ITGBL1: variants seen among roughly 807,000 people sequenced by gnomAD.
The protein encoded by ITGBL1 is integrin subunit beta like 1.
Under a neutral mutation model 68.5 loss-of-function variants are expected in ITGBL1, and 51 were observed. The ratio of observed to expected loss-of-function variants is 0.74; its 90% confidence interval spans 0.59 to 0.94. The LOEUF (loss-of-function observed/expected upper bound fraction) is 0.94. Ranked by LOEUF, ITGBL1 falls within the 40% of genes least tolerant of loss-of-function variation. The pLI is 0.00. For missense variants in ITGBL1, 649 were observed against 647.4 expected, an observed-to-expected ratio of 1.00 and a Z score of -0.03; for synonymous variants, 209 against 227.3, an observed-to-expected ratio of 0.92 and a Z score of 0.72.
At chr13:101,467,154 C>T (rs2048392926) in intron 2 of ITGBL1, among the ~76,000 whole-genome samples, 1 of 152,138 alleles carries the variant, frequency 6.6e-6, no homozygotes, top group Admixed American at 6.5e-5. Flanking sequence ...TGCAGGCCCA[C>T]CCACCTTCTT....
intron 2 of ITGBL1, among the ~76,000 whole-genome samples, chr13:101,484,258 A>G (rs912226031): frequency 6.6e-6 from 1 of 152,058 alleles, no homozygotes; most frequent in Non-Finnish European, 1.5e-5. Flanking sequence ...CTTCTCTAAT[A>G]CCCTAGGAAA....
chr13:101,616,174 G>C (rs1015632339), intron 7 of ITGBL1, among the ~76,000 whole-genome samples: 6 of 152,162 alleles, frequency 3.9e-5, no homozygotes, highest in Non-Finnish European at 8.8e-5. Flanking sequence ...AGAGGGTGAG[G>C]GAGGTCTTGA....
At chr13:101,497,722 G>C (rs1159434796) in intron 2 of ITGBL1, among the ~76,000 whole-genome samples, 1 of 152,166 alleles carries the variant, frequency 6.6e-6, no homozygotes, top group African/African-American at 2.4e-5. Context: ...TACTCCCCAA[G>C]TGACCATGTC....
chr13:101,455,382 G>A (rs1392170582), intron 2 of ITGBL1, among the ~76,000 whole-genome samples: 1 of 152,122 alleles, frequency 6.6e-6, no homozygotes, highest in Non-Finnish European at 1.5e-5. Flanking sequence ...TAAAAATACT[G>A]AATGCTGGGT....
At chr13:101,462,897 T>G (rs957253614) in intron 2 of ITGBL1, among the ~76,000 whole-genome samples, 3 of 152,164 alleles carry the variant, frequency 2.0e-5, no homozygotes, top group Non-Finnish European at 4.4e-5. Flanking sequence ...CCATATCATT[T>G]CTGATAAAGA....
chr13:101,518,663 A>T (rs908789902), intron 2 of ITGBL1, among the ~76,000 whole-genome samples: 2 of 152,202 alleles, frequency 1.3e-5, no homozygotes, highest in Non-Finnish European at 2.9e-5. Flanking sequence ...TCCCCCAGGT[A>T]TGTATAATAT....
At chr13:101,606,984 A>G (rs2030897345) in intron 7 of ITGBL1, among the ~76,000 whole-genome samples, 1 of 151,998 alleles carries the variant, frequency 6.6e-6, no homozygotes, top group South Asian at 2.1e-4. Flanking sequence ...ATAATTTATA[A>G]ATGCCATAAT....
intron 2 of ITGBL1, among the ~76,000 whole-genome samples, chr13:101,490,234 G>A (rs2048756799): frequency 6.6e-6 from 1 of 152,162 alleles, no homozygotes; most frequent in Non-Finnish European, 1.5e-5. Flanking sequence ...CACCATGTGA[G>A]GGTACAGCAA....
intron 5 of ITGBL1, among the ~76,000 whole-genome samples, chr13:101,581,987 G>A (rs909549518): frequency 6.6e-6 from 1 of 152,058 alleles, no homozygotes; most frequent in Non-Finnish European, 1.5e-5. Context: ...TGCCAATCAC[G>A]ATTATTTTGA....
At chr13:101,476,494 T>A (rs980249875) in intron 2 of ITGBL1, among the ~76,000 whole-genome samples, 3 of 152,018 alleles carry the variant, frequency 2.0e-5, no homozygotes, top group African/African-American at 4.8e-5. Context: ...TTATTAATAA[T>A]AATATTGAAT....
intron 10 of ITGBL1, chr13:101,715,237 G>A (rs2034663506): frequency 8.7e-6 from 2 of 229,732 alleles, no homozygotes; most frequent in Non-Finnish European, 1.7e-5. Context: ...AGAGCCTTAT[G>A]TTTTTCTGTA....
intron 8 of ITGBL1, among the ~76,000 whole-genome samples, chr13:101,705,207 G>A (rs2034229261): frequency 1.3e-5 from 2 of 149,338 alleles, no homozygotes; most frequent in African/African-American, 4.9e-5. Flanking sequence ...ACCTTCTCTG[G>A]CTGTTAGGAG....
chr13:101,475,041 T>TC (rs1225759843), intron 2 of ITGBL1, among the ~76,000 whole-genome samples: 1 of 152,086 alleles, frequency 6.6e-6, no homozygotes, highest in East Asian at 1.9e-4. Flanking sequence ...TCAGTGAATA[T>TC]CCACAAGCAT....
intron 2 of ITGBL1, among the ~76,000 whole-genome samples, chr13:101,481,214 C>T (rs1264285345): frequency 1.3e-5 from 2 of 150,212 alleles, no homozygotes; most frequent in African/African-American, 2.5e-5. Context: ...CTGTGAACGC[C>T]CTTGGCAGGC....
chr13:101,549,770 AT>A (rs35846375), intron 2 of ITGBL1, among the ~76,000 whole-genome samples: 8 of 150,196 alleles, frequency 5.3e-5, no homozygotes, highest in South Asian at 2.1e-4. Context: ...TTATTTGGTA[AT>A]TTTTTTTTTG....
chr13:101,637,341 A>AT (rs58584687), intron 7 of ITGBL1, among the ~76,000 whole-genome samples: 6,578 of 125,874 alleles, frequency 0.052, 257 homozygotes, highest in South Asian at 0.073. Flanking sequence ...TTGGAACAGT[A>AT]TTTTTTTTTT....
downstream of ITGBL1, chr13:101,718,749 T>TAGAC (rs1477984813): frequency 6.6e-6 from 1 of 150,464 alleles, no homozygotes; most frequent in Non-Finnish European, 1.5e-5. Context: ...TCTCTGCCAG[T>TAGAC]AGACATTGGA....
At chr13:101,538,276 G>A (rs563047943) in intron 2 of ITGBL1, among the ~76,000 whole-genome samples, 23 of 152,010 alleles carry the variant, frequency 1.5e-4, no homozygotes, top group African/African-American at 4.6e-4. Context: ...TGAATTCTTA[G>A]TTCTAAAGAA....
At chr13:101,702,922 T>G (rs2139578293) in intron 8 of ITGBL1, among the ~76,000 whole-genome samples, 1 of 152,330 alleles carries the variant, frequency 6.6e-6, no homozygotes, top group Non-Finnish European at 1.5e-5. Context: ...GGCGTAGGGG[T>G]GCCAGTTTTC....
Sources: gnomAD v4.1 joint callset for allele counts (sites outside exome capture counted in the v4.1 genomes callset) on GRCh38, gnomAD v4.1.1 for gene constraint, MANE v1.5 for transcripts, NCBI Gene and HGNC (gene_info 2026-07-23, HGNC 2026-07-21) for gene names.